The following FHIT variants were observed in gnomAD, a reference collection of about 807,000 sequenced individuals.
FHIT encodes the protein bis(5'-adenosyl)-triphosphatase.
A neutral mutation model predicts 17.9 loss-of-function variants in FHIT; 19 were observed. The observed-to-expected ratio is 1.06, with a 90% confidence interval of 0.74 to 1.56. The LOEUF (loss-of-function observed/expected upper bound fraction) is 1.56. FHIT is among the 40% of genes most tolerant of loss of function. FHIT has a pLI of 0.00. For synonymous variants in FHIT, 81 were observed against 69.7 expected (o/e 1.16, Z -0.81); for missense variants, 248 against 189.2 (o/e 1.31, Z -1.82).
At chr3:60,594,881 C>CTG (rs1390780112) in intron 4 of FHIT, among the ~76,000 whole-genome samples, 3 of 152,088 alleles carry the variant, frequency 2.0e-5, no homozygotes, top group Non-Finnish European at 4.4e-5. Context: ...CTTCCAAGGG[C>CTG]TGTGTTTCTG....
chr3:59,926,944 C>A (rs1705690965), intron 7 of FHIT, among the ~76,000 whole-genome samples: 1 of 152,168 alleles, frequency 6.6e-6, no homozygotes, highest in South Asian at 2.1e-4. Context: ...CATGGAGTTA[C>A]CTTGTGACTC....
At chr3:60,090,972 T>G (rs990744587) in intron 5 of FHIT, among the ~76,000 whole-genome samples, 1 of 152,190 alleles carries the variant, frequency 6.6e-6, no homozygotes, top group African/African-American at 2.4e-5. Flanking sequence ...CTCATCATAC[T>G]CATCCATAAT....
chr3:60,410,891 T>C (rs1047425534), intron 5 of FHIT, among the ~76,000 whole-genome samples: 1 of 152,128 alleles, frequency 6.6e-6, no homozygotes, highest in Non-Finnish European at 1.5e-5. Flanking sequence ...CTTTCCTATA[T>C]GGAGTAATAA....
At chr3:61,066,091 G>T (rs1318839216) in intron 2 of FHIT, among the ~76,000 whole-genome samples, 1 of 152,148 alleles carries the variant, frequency 6.6e-6, no homozygotes, top group Non-Finnish European at 1.5e-5. Flanking sequence ...ATGAGAAACA[G>T]CACGCAAAGG....
chr3:60,844,251 T>C (rs185398753), intron 3 of FHIT, among the ~76,000 whole-genome samples: 91 of 152,206 alleles, frequency 6.0e-4, no homozygotes, highest in Admixed American at 2.4e-3. Flanking sequence ...AAAATTTTGG[T>C]GAAAAGCAGA....
Position 60,404,601 on chromosome 3 carries a change from G to C in FHIT, c.103+132259C>G, listed in dbSNP as rs896905873. ...TCCACCATAGAACTTGTATTACACT[G>C]CTCTTACATTTGATTCTAATGAGAC... On this transcript the variant is annotated intron_variant, in intron 5 of 9. Coordinates refer to ENST00000492590, the MANE Select transcript of FHIT (RefSeq NM_002012.4). Among the ~76,000 whole-genome samples, 6 of 152,232 alleles carry C rather than the reference G, an allele frequency of 3.9e-5. No individual in the cohort carries two copies. In the South Asian group the frequency reaches 8.3e-4, roughly 21 times the overall value.
At chr3:60,598,770 G>A (rs1176006326) in intron 4 of FHIT, among the ~76,000 whole-genome samples, 2 of 152,220 alleles carry the variant, frequency 1.3e-5, no homozygotes, top group African/African-American at 2.4e-5. Context: ...TTGTGGTTAG[G>A]ATAATTTGAG....
intron 3 of FHIT, among the ~76,000 whole-genome samples, chr3:60,825,652 C>T (rs868980628): frequency 6.6e-6 from 1 of 151,952 alleles, no homozygotes; most frequent in Non-Finnish European, 1.5e-5. Flanking sequence ...ACTGTGCATG[C>T]GAGGGATCTA....
chr3:61,074,423 A>G (rs2034906585), intron 2 of FHIT, among the ~76,000 whole-genome samples: 1 of 152,202 alleles, frequency 6.6e-6, no homozygotes, highest in Non-Finnish European at 1.5e-5. Flanking sequence ...CCATGAGCCA[A>G]ATCTGACCCA....
intron 4 of FHIT, among the ~76,000 whole-genome samples, chr3:60,757,937 C>G (rs1553718728): frequency 6.6e-6 from 1 of 152,190 alleles, no homozygotes; most frequent in East Asian, 1.9e-4. Context: ...TGGATCTGCC[C>G]TCCACCCTTT....
At chr3:60,464,900 T>C (rs747764869) in intron 5 of FHIT, among the ~76,000 whole-genome samples, 3 of 152,152 alleles carry the variant, frequency 2.0e-5, no homozygotes, top group African/African-American at 7.2e-5. Context: ...CTGGATCATA[T>C]GGTAGCTCTT....
At chr3:60,293,565 C>A (rs965109122) in intron 5 of FHIT, among the ~76,000 whole-genome samples, 1 of 152,238 alleles carries the variant, frequency 6.6e-6, no homozygotes, top group East Asian at 1.9e-4. Context: ...TAACTATATG[C>A]TTTCTTCCAC....
At chr3:59,753,302 A>G (rs1178082088) in intron 8 of FHIT, among the ~76,000 whole-genome samples, 1 of 152,252 alleles carries the variant, frequency 6.6e-6, no homozygotes, top group Non-Finnish European at 1.5e-5. Flanking sequence ...CTTACAAAAA[A>G]TTAACAATTT....
chr3:60,710,391 A>C (rs537119833), intron 4 of FHIT, among the ~76,000 whole-genome samples: 51 of 152,340 alleles, frequency 3.3e-4, no homozygotes, highest in Non-Finnish European at 5.6e-4. Flanking sequence ...TACCCGGTTC[A>C]TCTCACTAGG....
chr3:60,568,463 G>A (rs1480079497), intron 4 of FHIT, among the ~76,000 whole-genome samples: 1 of 151,590 alleles, frequency 6.6e-6, no homozygotes, highest in Non-Finnish European at 1.5e-5. Flanking sequence ...GTTGTGGGGT[G>A]GAGGGAGGGG....
At chr3:61,021,242 C>T (rs1217611498) in intron 3 of FHIT, among the ~76,000 whole-genome samples, 1 of 152,208 alleles carries the variant, frequency 6.6e-6, no homozygotes, top group African/African-American at 2.4e-5. Flanking sequence ...CTCAGCACCA[C>T]ATCGCACTTA....
chr3:60,909,870 C>T (rs1706638028), intron 3 of FHIT, among the ~76,000 whole-genome samples: 1 of 152,222 alleles, frequency 6.6e-6, no homozygotes, highest in South Asian at 2.1e-4. Flanking sequence ...GACCTCCCAG[C>T]CTGCCTCAGT....
At chr3:61,042,939 A>G (rs2033592677) in intron 2 of FHIT, among the ~76,000 whole-genome samples, 1 of 152,210 alleles carries the variant, frequency 6.6e-6, no homozygotes, top group South Asian at 2.1e-4. Context: ...AAGGTTAAGA[A>G]CAGAAACAAA....
chr3:60,732,510 T>C, intron 4 of FHIT: 1 of 670,110 alleles, frequency 1.5e-6, no homozygotes, highest in Non-Finnish European at 2.9e-6. Context: ...AATCCTTTCT[T>C]TCCAGCGCTC....
Sources: allele counts gnomAD v4.1 joint callset (sites outside exome capture counted in the v4.1 genomes callset), GRCh38; gene constraint gnomAD v4.1.1; transcripts MANE v1.5; gene names NCBI Gene and HGNC (gene_info 2026-07-23, HGNC 2026-07-21).